Variants in MPRIP observed in about 807,000 individuals in gnomAD.
MPRIP encodes myosin phosphatase Rho interacting protein.
A neutral mutation model predicts 234.9 loss-of-function variants in MPRIP; 59 were observed. The ratio of observed to expected loss-of-function variants is 0.25; its 90% CI spans 0.20 to 0.31. The LOEUF is 0.31. MPRIP is among the 10% of genes least tolerant of loss of function. The pLI is 1.00. For missense variants in MPRIP, 2,436 were observed against 3,071.0 expected (o/e 0.79, Z 4.89); for synonymous variants, 1,144 against 1,263.9 (o/e 0.91, Z 2.01).
chr17:17,093,892 C>A (rs73277633), intron 3 of MPRIP, among the ~76,000 whole-genome samples: 1 of 152,150 alleles, frequency 6.6e-6, no homozygotes, highest in South Asian at 2.1e-4. Flanking sequence ...GCTCTTTCAT[C>A]GGCCTGGCTC....
intron 3 of MPRIP, among the ~76,000 whole-genome samples, chr17:17,125,710 C>G (rs1421659064): frequency 6.6e-6 from 1 of 152,250 alleles, no homozygotes; most frequent in Non-Finnish European, 1.5e-5. Context: ...CAGCAAGGAG[C>G]TTGAGGCTGG....
In MPRIP at chr17:17,158,757, G is replaced by A. The variant is rs748306420; in HGVS notation, c.2155G>A (p.Ala719Thr). ...CCGCAAGCGCTTCGGGATGCTCGACGCCACAGACGGGCCAGGCACTGAGGA... is the reference window on the plus strand; with the variant it reads ...CCGCAAGCGCTTCGGGATGCTCGACACCACAGACGGGCCAGGCACTGAGGA... ...ERRKRFGMLD[A>T]TDGPGTEDAA... is the part of the protein sequence containing the mutation. The change falls in exon 14 of 24, where the codon GCC becomes ACC. Residue 719 changes from alanine to threonine, a missense_variant. Physicochemically the swap from Ala to Thr is moderately conservative, Grantham distance 58. Around this residue, in one of 4 missense-constraint regions of MPRIP, gnomAD observed 1,998 missense variants for 2,520.3 expected, o/e 0.79. Coordinates refer to ENST00000651222, the MANE Select transcript of MPRIP (RefSeq NM_001364716.4). The A allele has an allele frequency of 8.1e-6, 13 of 1,611,406 alleles. No individual in the cohort carries two copies. The highest frequency in any genetic ancestry group is 3.3e-5 in the South Asian group (3 of 91,040).
intron 3 of MPRIP, among the ~76,000 whole-genome samples, chr17:17,092,766 G>A (rs1305543548): frequency 6.6e-6 from 1 of 152,132 alleles, no homozygotes; most frequent in African/African-American, 2.4e-5. Flanking sequence ...CTCCTACAGA[G>A]ACTCTGCAGG....
chr17:17,175,268 T>A, intron 19 of MPRIP, 25 bp from the exon 20 acceptor site: 1 of 1,612,686 alleles, frequency 6.2e-7, no homozygotes, highest in South Asian at 1.1e-5. Context: ...CTCTGGAGTG[T>A]CACTGTTGTG....
chr17:17,154,506 G>A, intron 13 of MPRIP, 91 bp downstream of exon 13: 1 of 1,068,940 alleles, frequency 9.4e-7, no homozygotes, highest in Admixed American at 1.8e-5. Context: ...TGAAGTCTGA[G>A]ACCTGAGCTC....
intron 1 of MPRIP, among the ~76,000 whole-genome samples, chr17:17,043,900 C>CTCAT (rs1368661957): frequency 6.6e-6 from 1 of 152,198 alleles, no homozygotes; most frequent in African/African-American, 2.4e-5. Context: ...TCTCAGCCTC[C>CTCAT]TGAATGAAGC....
rs2045958659 is a variant in MPRIP at position 17,165,231 on chromosome 17, G to C, written c.3640G>C (p.Glu1214Gln). ...AGAAATTAAGCTCCAGGCAAAAGAA[G>C]AGATTTTAAGGAAATTTGCAAGTGA... ...ETEIKLQAKE[E>Q]ILRKFASESP... Residue 1214 changes from glutamate (E) to glutamine (Q), a missense_variant, in exon 16 of 24, where the codon GAG becomes CAG. Physicochemically the swap from Glu to Gln is conservative, Grantham distance 29. Around this residue, in one of 4 missense-constraint regions of MPRIP, gnomAD observed 1,998 missense variants for 2,520.3 expected, o/e 0.79. Transcript: ENST00000651222. 1.5e-6 allele frequency: 2 copies of C among 1,304,002 alleles called. No individual in the cohort carries two copies. The highest frequency in any genetic ancestry group is 2.0e-6 in the Non-Finnish European group (2 of 988,972). 80.8% of individuals were successfully genotyped at this position (1,304,002 alleles called of 1,614,324 possible). A position where few individuals can be genotyped will look rare whatever the true frequency, so the allele number is the denominator to read the frequency against.
At chr17:17,176,618 T>C in intron 21 of MPRIP, 106 bp downstream of exon 21, 1 of 866,392 alleles carries the variant, frequency 1.2e-6, no homozygotes, top group Non-Finnish European at 1.9e-6. Flanking sequence ...TGAAGCAGAT[T>C]TTACTCTTGT....
chr17:17,150,917 C>T (rs1462982485), intron 12 of MPRIP, among the ~76,000 whole-genome samples: 3 of 151,950 alleles, frequency 2.0e-5, no homozygotes, highest in Non-Finnish European at 4.4e-5. Flanking sequence ...ACAATCATGG[C>T]TCACTGCAGG....
intron 3 of MPRIP, among the ~76,000 whole-genome samples, chr17:17,085,811 G>A (rs1319043913): frequency 6.6e-6 from 1 of 152,212 alleles, no homozygotes; most frequent in African/African-American, 2.4e-5. Flanking sequence ...TACTCTGGAG[G>A]CTGAGGCAGG....
intron 3 of MPRIP, among the ~76,000 whole-genome samples, chr17:17,097,803 C>T (rs994963052): frequency 2.6e-5 from 4 of 152,174 alleles, no homozygotes; most frequent in African/African-American, 9.7e-5. Flanking sequence ...TTCAATTTTC[C>T]TTTCTCCACA....
chr17:17,075,596 C>A, intron 1 of MPRIP, 114 bp from the exon 2 acceptor site: 1 of 881,488 alleles, frequency 1.1e-6, no homozygotes, highest in Non-Finnish European at 1.9e-6. Context: ...GGTGTCATGA[C>A]CTCTGCAGAG....
At chr17:17,168,763 A>T (rs144190781) in intron 16 of MPRIP, 26 of 425,904 alleles carry the variant, frequency 6.1e-5, no homozygotes, top group African/African-American at 5.1e-4. Flanking sequence ...TGCCCCAGTA[A>T]ATGACTAGGA....
At chr17:17,048,508 G>A (rs571297500) in intron 1 of MPRIP, among the ~76,000 whole-genome samples, 1 of 152,100 alleles carries the variant, frequency 6.6e-6, no homozygotes, top group Non-Finnish European at 1.5e-5. Flanking sequence ...ACAGGAGTTG[G>A]TGTGTTGCTT....
intron 7 of MPRIP, 189 bp from the exon 8 acceptor site, chr17:17,142,438 T>G: frequency 1.6e-6 from 1 of 610,074 alleles, no homozygotes; most frequent in East Asian, 3.0e-5. Flanking sequence ...GCAGGCCTGA[T>G]GGGAGGGAGG....
rs1323775785 is a variant in MPRIP at position 17,158,634 on chromosome 17, G to A, written c.2032G>A (p.Val678Met). 1 of 1,600,704 alleles carries A rather than the reference G, an allele frequency of 6.2e-7. No individual in the cohort carries two copies. Among genetic ancestry groups the A allele is most frequent in the Non-Finnish European group, 8.5e-7 (1 of 1,174,340 alleles). ...CCAGCAGGCCCTGGCTCAGGAGCGG[G>A]TGGGCGGCGTGGGGCCTGCTGACAC... is the stretch of plus-strand genomic sequence containing the variant. ...PIQQALAQER[V>M]GGVGPADTHE... The change falls in exon 14 of 24, where the codon GTG becomes ATG. Residue 678 changes from valine to methionine, a missense_variant. Coordinates refer to ENST00000651222, the MANE Select transcript of MPRIP (RefSeq NM_001364716.4).
At chr17:17,057,327 C>T (rs910396484) in intron 1 of MPRIP, among the ~76,000 whole-genome samples, 1 of 152,382 alleles carries the variant, frequency 6.6e-6, no homozygotes, top group East Asian at 1.9e-4. Flanking sequence ...AGGGGTGGCT[C>T]AGCTGCTCGG....
intron 16 of MPRIP, chr17:17,170,062 A>G (rs2144658735): frequency 6.6e-6 from 1 of 152,216 alleles, no homozygotes; most frequent in Admixed American, 6.5e-5. Context: ...AAAAGACTTA[A>G]AAGATCTATT....
chr17:17,124,028 G>T (rs1408868979), intron 3 of MPRIP, among the ~76,000 whole-genome samples: 1 of 152,162 alleles, frequency 6.6e-6, no homozygotes, highest in Non-Finnish European at 1.5e-5. Flanking sequence ...AGCTTGGTAT[G>T]TTTTTGCCTT....
Sources: gnomAD v4.1 joint callset for allele counts (sites outside exome capture counted in the v4.1 genomes callset) on GRCh38, gnomAD v4.1.1 for gene constraint, gnomAD v4.1.1 regional missense constraint, MANE v1.5 for transcripts, NCBI Gene and HGNC (gene_info 2026-07-23, HGNC 2026-07-21) for gene names.